Variants in TMPRSS11F observed in about 807,000 individuals in gnomAD.
TMPRSS11F encodes transmembrane serine protease 11F, also known as transmembrane protease serine 11F.
In TMPRSS11F, 47 loss-of-function variants were observed where a neutral mutation model predicts 60.2. The observed-to-expected ratio is 0.78, with a 90% CI of 0.62 to 1.00. The LOEUF is 1.00. TMPRSS11F is among the 50% of genes least tolerant of loss of function. The pLI is 0.00. For synonymous variants in TMPRSS11F, 166 were observed against 167.3 expected, an observed-to-expected ratio of 0.99 and a Z score of 0.06; for missense variants, 519 against 522.9, an observed-to-expected ratio of 0.99 and a Z score of 0.07.
chr4:68,079,701 C>T (rs538861113), intron 3 of TMPRSS11F, among the ~76,000 whole-genome samples: 1 of 152,110 alleles, frequency 6.6e-6, no homozygotes, highest in Non-Finnish European at 1.5e-5. Context: ...AAGAATAGAT[C>T]ATTTTACTAG....
rs1475066272 is a variant in TMPRSS11F at position 68,064,819 on chromosome 4, ATGTCAT to A, written c.875_880del (p.Asn292_Asp293del). 3 of 1,614,060 alleles carry A rather than the reference ATGTCAT, an allele frequency of 1.9e-6. No homozygotes were observed. The highest frequency in any genetic ancestry group is 1.7e-6 in the Non-Finnish European group (2 of 1,180,032). On this transcript the variant is annotated inframe_deletion, in exon 8 of 10. Transcript: ENST00000356291. The stretch of plus-strand genomic sequence containing the variant: ...TCCAGTAGAGAGCTGAACCAAAGCA[ATGTCAT>A]TTTCATTTGTTTCTCTATGGTAATT...
chr4:68,113,941 T>C (rs1286132588), intron 1 of TMPRSS11F, among the ~76,000 whole-genome samples: 1 of 152,118 alleles, frequency 6.6e-6, no homozygotes, highest in Non-Finnish European at 1.5e-5. Flanking sequence ...TCTTCGATTT[T>C]AAAAGAATTG....
rs199512962 is a variant in TMPRSS11F at position 68,060,312 on chromosome 4, CCTGA to C, written c.1016-848_1016-845del. On this transcript the variant is annotated intron_variant, in intron 8 of 9. Coordinates refer to ENST00000356291, the MANE Select transcript of TMPRSS11F (RefSeq NM_207407.2). ...CATGAGGTCAGGAGATCGAGACCAT[CCTGA>C]CTAACACGGTGAAACCCTGTCTCTA... is the stretch of plus-strand genomic sequence containing the variant. 4.6e-3 allele frequency among the ~76,000 whole-genome samples: 696 copies of C among 150,670 alleles called. 8 individuals are homozygous for C. The highest frequency in any genetic ancestry group is 0.017 in the African/African-American group (677 of 40,910).
chr4:68,065,096 T>G, intron 7 of TMPRSS11F, 152 bp from the exon 8 acceptor site: 1 of 714,250 alleles, frequency 1.4e-6, no homozygotes, highest in Non-Finnish European at 2.2e-6. Flanking sequence ...GGAAAAAAAT[T>G]GTTTTTAAAT....
chr4:68,072,977 A>G (rs956094684), intron 4 of TMPRSS11F, among the ~76,000 whole-genome samples: 1 of 152,168 alleles, frequency 6.6e-6, no homozygotes, highest in Non-Finnish European at 1.5e-5. Context: ...AGGTTTACTG[A>G]AACTTTCTAA....
rs549850433 is a variant in TMPRSS11F, at chr4:68,126,410, C to G, written c.11+3400G>C. On this transcript the variant is annotated intron_variant, in intron 1 of 9. Coordinates refer to ENST00000356291, the MANE Select transcript of TMPRSS11F (RefSeq NM_207407.2). The stretch of plus-strand genomic sequence containing the variant: ...CTTCAACAATAAATCTCCATCAGCA[C>G]CACAACTTAAGTTTACTTAAAGTAC... Among the ~76,000 whole-genome samples, 6 of 152,276 alleles carry G rather than the reference C, an allele frequency of 3.9e-5. No homozygotes were observed. The South Asian group carries it at 1.0e-3, about 26-fold the overall frequency.
At chr4:68,078,607 G>A (rs1484046366) in intron 3 of TMPRSS11F, among the ~76,000 whole-genome samples, 1 of 152,150 alleles carries the variant, frequency 6.6e-6, no homozygotes, top group Non-Finnish European at 1.5e-5. Context: ...ATGAATAACT[G>A]AATTAATGAA....
At position 68,090,540 on chromosome 4, in the gene TMPRSS11F, G is replaced by A; in HGVS notation, c.265C>T (p.His89Tyr). ...GAGCTTACCATTCTTTCAATCTGATGACTCCTTTCTATAAACTCTCTTGAA... is the reference window on the plus strand; with the variant it reads ...GAGCTTACCATTCTTTCAATCTGATAACTCCTTTCTATAAACTCTCTTGAA... ...RSSREFIERSHQIERMMSRIF... is the reference protein window; with the variant it reads ...RSSREFIERSYQIERMMSRIF... The change falls in exon 3 of 10, where the codon CAT (histidine) becomes TAT (tyrosine). Residue 89 changes from histidine to tyrosine, a missense_variant. By Grantham distance (83) the His-to-Tyr change is moderately conservative. Transcript: ENST00000356291. The A allele has an allele frequency of 6.3e-7, 1 of 1,590,376 alleles. No individual in the cohort carries two copies. The highest frequency in any genetic ancestry group is 2.3e-5 in the East Asian group (1 of 44,408).
chr4:68,076,892 C>T (rs1723594711), intron 3 of TMPRSS11F, among the ~76,000 whole-genome samples: 1 of 152,120 alleles, frequency 6.6e-6, no homozygotes, highest in Admixed American at 6.5e-5. Context: ...ACATAGGCAA[C>T]CACACCCTTC....
chr4:68,059,111 A>G (rs1178573559), intron 9 of TMPRSS11F, among the ~76,000 whole-genome samples: 1 of 152,174 alleles, frequency 6.6e-6, no homozygotes, highest in Non-Finnish European at 1.5e-5. Context: ...ATCTCATTAC[A>G]TTAAATGAAA....
chr4:68,114,832 T>TTAGAAC (rs1282609864), intron 1 of TMPRSS11F, among the ~76,000 whole-genome samples: 1 of 151,770 alleles, frequency 6.6e-6, no homozygotes, highest in Non-Finnish European at 1.5e-5. Context: ...GAGATTTATC[T>TTAGAAC]TAGAACTACA....
intron 2 of TMPRSS11F, among the ~76,000 whole-genome samples, chr4:68,092,063 G>T: frequency 6.6e-6 from 1 of 152,024 alleles, no homozygotes; most frequent in Non-Finnish European, 1.5e-5. Context: ...TGGGATTACA[G>T]GTGTGAGCCA....
chr4:68,075,459 C>G (rs556861532), intron 3 of TMPRSS11F, among the ~76,000 whole-genome samples: 2 of 152,252 alleles, frequency 1.3e-5, no homozygotes, highest in South Asian at 2.1e-4. Flanking sequence ...TTGGCCCCTA[C>G]TTTGCCCCAT....
chr4:68,102,464 T>A (rs186046287), intron 1 of TMPRSS11F, among the ~76,000 whole-genome samples: 1 of 152,180 alleles, frequency 6.6e-6, no homozygotes, highest in African/African-American at 2.4e-5. Flanking sequence ...CTTTTCTCCA[T>A]ACCCTGGTCA....
chr4:68,096,905 T>C lies in TMPRSS11F; in HGVS notation c.163+1982A>G, dbSNP rs78401708. On this transcript the variant is annotated intron_variant, in intron 2 of 9. Coordinates refer to ENST00000356291, the MANE Select transcript of TMPRSS11F (RefSeq NM_207407.2). ...ATAAAAGTAATATTTTAGAAATAAC[T>C]TGTCCTCTGTTGTTTCCCTGGTTAC... 5.3e-4 allele frequency among the ~76,000 whole-genome samples: 81 copies of C among 152,330 alleles called. 3 individuals are homozygous for C. The East Asian group carries it at 0.015, about 29-fold the overall frequency.
Position 68,073,929 on chromosome 4 carries a change from C to T in TMPRSS11F, c.350+13G>A. On this transcript the variant is annotated intron_variant, in intron 4 of 9. Transcript: ENST00000356291. The stretch of plus-strand genomic sequence containing the variant: ...ACAGTATTAACTTGAAATTATAAAC[C>T]AAATTTACATACCTTAATTTGATAA... The T allele has an allele frequency of 1.3e-6, 2 of 1,539,676 alleles. No individual in the cohort carries two copies. The highest frequency in any genetic ancestry group is 1.8e-6 in the Non-Finnish European group (2 of 1,138,076).
chr4:68,079,093 C>A (rs1354833846), intron 3 of TMPRSS11F, among the ~76,000 whole-genome samples: 2 of 150,152 alleles, frequency 1.3e-5, no homozygotes, highest in Non-Finnish European at 1.5e-5. Flanking sequence ...CTGGTGTGAC[C>A]TTTACTAAAA....
chr4:68,097,611 T>C (rs144175972), intron 2 of TMPRSS11F, among the ~76,000 whole-genome samples: 1 of 152,168 alleles, frequency 6.6e-6, no homozygotes, highest in Non-Finnish European at 1.5e-5. Flanking sequence ...CATGGACATC[T>C]TGGCATGGGA....
chr4:68,107,917 C>T (rs186392027), intron 1 of TMPRSS11F, among the ~76,000 whole-genome samples: 11 of 152,168 alleles, frequency 7.2e-5, no homozygotes, highest in Non-Finnish European at 1.2e-4. Context: ...AGCCTGGAGA[C>T]AAAGTGAGAC....
Sources: allele counts gnomAD v4.1 joint callset (sites outside exome capture counted in the v4.1 genomes callset), GRCh38; gene constraint gnomAD v4.1.1; transcripts MANE v1.5; gene names NCBI Gene and HGNC (gene_info 2026-07-23, HGNC 2026-07-21).